Variants in SSPN observed in about 807,000 individuals in gnomAD.
SSPN encodes the protein sarcospan, also known as K-ras oncogene-associated protein.
A neutral mutation model predicts 19.1 loss-of-function variants in SSPN; 15 were observed. That is an observed-to-expected ratio of 0.78 (90% confidence interval 0.52 to 1.21). The LOEUF (loss-of-function observed/expected upper bound fraction) is 1.21. Among genes scored for constraint, SSPN ranks in the 50% most tolerant of loss-of-function variants. The pLI is 0.00. For synonymous variants in SSPN, 147 were observed against 140.3 expected, an observed-to-expected ratio of 1.05 and a Z score of -0.34; for missense variants, 291 against 314.0, an observed-to-expected ratio of 0.93 and a Z score of 0.55.
intron 1 of SSPN, among the ~76,000 whole-genome samples, chr12:26,184,044 C>T (rs1291968215): frequency 6.6e-6 from 1 of 152,180 alleles, no homozygotes; most frequent in African/African-American, 2.4e-5. Flanking sequence ...AGCAAGCAAG[C>T]TCACCCAGCT....
At chr12:26,152,909 C>T (rs1056728982) in intron 1 of SSPN, among the ~76,000 whole-genome samples, 1 of 152,222 alleles carries the variant, frequency 6.6e-6, no homozygotes, top group Non-Finnish European at 1.5e-5. Flanking sequence ...GCACTTCATT[C>T]CAGCCATGCT....
At chr12:26,185,850 C>T (rs1174034341) in intron 1 of SSPN, among the ~76,000 whole-genome samples, 2 of 152,194 alleles carry the variant, frequency 1.3e-5, no homozygotes, top group African/African-American at 2.4e-5. Context: ...TCTGTCCCAG[C>T]GTGTGTCATC....
In SSPN at chr12:26,231,747, C is replaced by A; in HGVS notation, c.*671C>A. 1 of 221,582 alleles carries A rather than the reference C, an allele frequency of 4.5e-6. No individual in the cohort carries two copies. The highest frequency in any genetic ancestry group is 7.6e-6 in the Non-Finnish European group (1 of 131,508). 13.7% of individuals were successfully genotyped at this position (221,582 alleles called of 1,614,324 possible). ...CTTGCCAAATGCTTTAGATGATTGC[C>A]TCTCAATAATTGAAAGGTGGTGGTA... On this transcript the variant is annotated 3_prime_UTR_variant, in exon 3 of 3. Transcript: ENST00000242729.
chr12:26,205,785 T>C (rs924831525), intron 1 of SSPN, among the ~76,000 whole-genome samples: 2 of 152,218 alleles, frequency 1.3e-5, no homozygotes, highest in Non-Finnish European at 1.5e-5. Flanking sequence ...CAGAATTCTG[T>C]GTACAGAGTT....
intron 1 of SSPN, among the ~76,000 whole-genome samples, chr12:26,189,663 C>G (rs1944776027): frequency 6.6e-6 from 1 of 152,192 alleles, no homozygotes; most frequent in African/African-American, 2.4e-5. Flanking sequence ...CTCTTTCCTT[C>G]CCTTCACAGC....
intron 1 of SSPN, chr12:26,124,772 T>C: frequency 6.2e-7 from 1 of 1,614,184 alleles, no homozygotes; most frequent in Non-Finnish European, 8.5e-7. Context: ...AGGAATTCCT[T>C]CGTCCATGTT....
chr12:26,150,541 A>T (rs1944519488), intron 1 of SSPN, among the ~76,000 whole-genome samples: 1 of 151,690 alleles, frequency 6.6e-6, no homozygotes, highest in Non-Finnish European at 1.5e-5. Flanking sequence ...ATTTACAAGT[A>T]TGCTTTTAAA....
chr12:26,154,921 A>G (rs1273032111), intron 1 of SSPN, among the ~76,000 whole-genome samples: 4 of 152,168 alleles, frequency 2.6e-5, no homozygotes, highest in Admixed American at 2.6e-4. Context: ...ATGGTAGTGT[A>G]TGGTGAGGAA....
intron 1 of SSPN, among the ~76,000 whole-genome samples, chr12:26,182,188 G>T (rs1210219461): frequency 2.0e-5 from 3 of 152,164 alleles, no homozygotes; most frequent in Non-Finnish European, 2.9e-5. Flanking sequence ...CAACTGATGT[G>T]AGCCTCACTG....
At chr12:26,148,753 G>A (rs1170119403) in intron 1 of SSPN, among the ~76,000 whole-genome samples, 7 of 152,204 alleles carry the variant, frequency 4.6e-5, no homozygotes, top group South Asian at 2.1e-4. Context: ...GTGCTTCTAG[G>A]TGACATTTCC....
At chr12:26,215,978 A>G (rs1191918489) in intron 1 of SSPN, among the ~76,000 whole-genome samples, 1 of 152,192 alleles carries the variant, frequency 6.6e-6, no homozygotes, top group African/African-American at 2.4e-5. Context: ...AGCCTTTTAC[A>G]TTTCTAAAAC....
intron 1 of SSPN, among the ~76,000 whole-genome samples, chr12:26,211,986 T>A (rs1054367837): frequency 1.3e-5 from 2 of 152,154 alleles, no homozygotes; most frequent in African/African-American, 4.8e-5. Flanking sequence ...CAATCAGAAC[T>A]TTTATCACAA....
At chr12:26,224,208 G>T in intron 1 of SSPN, 85 bp from the exon 2 acceptor site, 1 of 907,190 alleles carries the variant, frequency 1.1e-6, no homozygotes, top group Non-Finnish European at 1.8e-6. Context: ...ACATGGATGT[G>T]ACTGCAGGAA....
intron 1 of SSPN, among the ~76,000 whole-genome samples, chr12:26,131,556 A>G (rs1324610695): frequency 6.6e-6 from 1 of 152,190 alleles, no homozygotes; most frequent in Non-Finnish European, 1.5e-5. Context: ...TGTAGCATAC[A>G]ATTGCTTTAG....
chr12:26,130,393 T>G (rs944494906), intron 1 of SSPN, among the ~76,000 whole-genome samples: 2 of 151,954 alleles, frequency 1.3e-5, no homozygotes, highest in Non-Finnish European at 2.9e-5. Flanking sequence ...GTGCAGAGAG[T>G]TGTCAGTAAC....
chr12:26,208,998 C>G (rs1221455898), intron 1 of SSPN, among the ~76,000 whole-genome samples: 1 of 151,940 alleles, frequency 6.6e-6, no homozygotes, highest in East Asian at 1.9e-4. Flanking sequence ...AGCAGCCCAC[C>G]CCCAACCCAC....
upstream of SSPN, chr12:26,195,370 G>C (rs1463152033): frequency 3.0e-6 from 1 of 333,246 alleles, no homozygotes; most frequent in Non-Finnish European, 5.4e-6. Flanking sequence ...CCTGTCTGAA[G>C]TGCAGAGGTT....
At chr12:26,122,794 C>T in intron 1 of SSPN, 1 of 1,592,136 alleles carries the variant, frequency 6.3e-7, no homozygotes, top group Admixed American at 1.7e-5. Context: ...CCGCCGTAGC[C>T]GCTGTCGGTG....
rs185014952 is a variant in SSPN, at chr12:26,185,773, G to A, written c.-30-38520G>A. On this transcript the variant is annotated intron_variant, in intron 1 of 2. Transcript: ENST00000538142. Reference sequence around the variant, plus strand: ...CGGCACATTTCCTAACACAGACTGTGCCTGAGATTGACATGCTGTAGTAGA... The same window carrying A: ...CGGCACATTTCCTAACACAGACTGTACCTGAGATTGACATGCTGTAGTAGA... 3.3e-5 allele frequency among the ~76,000 whole-genome samples: 5 copies of A among 152,326 alleles called. No homozygotes were observed. The East Asian group carries it at 9.6e-4, about 29-fold the overall frequency.
Sources: allele counts gnomAD v4.1 joint callset (sites outside exome capture counted in the v4.1 genomes callset), GRCh38; gene constraint gnomAD v4.1.1; transcripts MANE v1.5; gene names NCBI Gene and HGNC (gene_info 2026-07-23, HGNC 2026-07-21).